Variants in CDYL2 observed in about 807,000 individuals in gnomAD.
CDYL2 encodes the protein chromodomain Y-like protein 2.
Under a neutral mutation model 49.4 loss-of-function variants are expected in CDYL2, and 23 were observed. That is an observed-to-expected ratio of 0.47 (90% CI 0.34 to 0.66). CDYL2 has a LOEUF of 0.66. Among genes scored for constraint, CDYL2 ranks in the 30% least tolerant of loss-of-function variants. The pLI, the probability that CDYL2 is intolerant of heterozygous loss-of-function variation, is 0.01. For missense variants in CDYL2, 678 were observed against 656.4 expected, an observed-to-expected ratio of 1.03 and a Z score of -0.36; for synonymous variants, 360 against 268.8, an observed-to-expected ratio of 1.34 and a Z score of -3.32.
intron 1 of CDYL2, among the ~76,000 whole-genome samples, chr16:80,743,600 G>C (rs1905824557): frequency 6.6e-6 from 1 of 152,190 alleles, no homozygotes; most frequent in African/African-American, 2.4e-5. Flanking sequence ...AGAAACCCCA[G>C]ACATTGTGAG....
chr16:80,748,693 C>A (rs763281189), intron 1 of CDYL2, among the ~76,000 whole-genome samples: 1 of 151,850 alleles, frequency 6.6e-6, no homozygotes, highest in Non-Finnish European at 1.5e-5. Flanking sequence ...TTATTACCAG[C>A]ACCCCTCACC....
rs910484977 is a variant in CDYL2 at position 80,604,062 on chromosome 16, T to C, written c.*326A>G. ...AGCCTGAGTCAGAAGAATGTGAAAGTGGTCTTCCCCTTCCTGGACCGTCAT... is the reference window on the plus strand; with the variant it reads ...AGCCTGAGTCAGAAGAATGTGAAAGCGGTCTTCCCCTTCCTGGACCGTCAT... On this transcript the variant is annotated 3_prime_UTR_variant, in exon 7 of 7. Coordinates refer to ENST00000570137, the MANE Select transcript of CDYL2 (RefSeq NM_152342.4). The C allele has an allele frequency of 5.2e-5, 16 of 310,034 alleles. No homozygotes were observed. The highest frequency in any genetic ancestry group is 9.8e-5 in the Non-Finnish European group (16 of 163,794). 19.2% of individuals were successfully genotyped at this position (310,034 alleles called of 1,614,324 possible).
chr16:80,624,922 T>C (rs970073334), intron 3 of CDYL2, among the ~76,000 whole-genome samples: 7 of 151,918 alleles, frequency 4.6e-5, no homozygotes, highest in African/African-American at 1.7e-4. Flanking sequence ...AGATGGAAAA[T>C]ATAACGGAGA....
intron 1 of CDYL2, among the ~76,000 whole-genome samples, chr16:80,705,493 C>T (rs1904375793): frequency 6.6e-6 from 1 of 152,238 alleles, no homozygotes; most frequent in Non-Finnish European, 1.5e-5. Context: ...GAAGCTTTAG[C>T]CCAGCTGTAG....
At chr16:80,641,458 T>C (rs1234112657) in intron 2 of CDYL2, among the ~76,000 whole-genome samples, 1 of 152,006 alleles carries the variant, frequency 6.6e-6, no homozygotes, top group Non-Finnish European at 1.5e-5. Flanking sequence ...AGAAATTTTA[T>C]CAACACCAGA....
chr16:80,626,933 G>C (rs1907331487), intron 3 of CDYL2, among the ~76,000 whole-genome samples: 1 of 152,166 alleles, frequency 6.6e-6, no homozygotes, highest in Admixed American at 6.5e-5. Flanking sequence ...ACTCAGACAG[G>C]TGCAGTAAGA....
intron 1 of CDYL2, among the ~76,000 whole-genome samples, chr16:80,724,715 GT>G (rs1216338051): frequency 6.6e-6 from 1 of 152,202 alleles, no homozygotes; most frequent in Non-Finnish European, 1.5e-5. Flanking sequence ...ATAGTTCACA[GT>G]CAAGAAAGTT....
intron 1 of CDYL2, among the ~76,000 whole-genome samples, chr16:80,707,935 G>A (rs1444627261): frequency 6.6e-6 from 1 of 152,190 alleles, no homozygotes; most frequent in Non-Finnish European, 1.5e-5. Context: ...CCAGTAGGGT[G>A]TTGGGTTACT....
At chr16:80,729,478 T>G (rs1291076022) in intron 1 of CDYL2, among the ~76,000 whole-genome samples, 6 of 152,054 alleles carry the variant, frequency 3.9e-5, no homozygotes, top group Admixed American at 3.9e-4. Context: ...ACAAAGAGAC[T>G]TAGACTCCCA....
chr16:80,680,066 A>T (rs1909910148), intron 2 of CDYL2, among the ~76,000 whole-genome samples: 1 of 152,248 alleles, frequency 6.6e-6, no homozygotes, highest in Admixed American at 6.5e-5. Flanking sequence ...ATTATAATCA[A>T]TAAAGGGAAA....
At chr16:80,636,550 A>C (rs1907834890) in intron 2 of CDYL2, among the ~76,000 whole-genome samples, 1 of 152,200 alleles carries the variant, frequency 6.6e-6, no homozygotes, top group African/African-American at 2.4e-5. Flanking sequence ...AGAAGTCAGG[A>C]AACAACAGGT....
chr16:80,648,876 C>T (rs1908466260), intron 2 of CDYL2, among the ~76,000 whole-genome samples: 2 of 152,206 alleles, frequency 1.3e-5, no homozygotes, highest in South Asian at 4.1e-4. Context: ...ATCATATCAA[C>T]AGAATGATGG....
intron 2 of CDYL2, among the ~76,000 whole-genome samples, chr16:80,671,475 T>C (rs923796385): frequency 3.3e-5 from 5 of 152,206 alleles, no homozygotes; most frequent in Admixed American, 3.3e-4. Flanking sequence ...CGCCCAAGTC[T>C]TTCCCTAAGC....
intron 1 of CDYL2, among the ~76,000 whole-genome samples, chr16:80,711,962 T>C (rs1047462148): frequency 6.6e-6 from 1 of 151,496 alleles, no homozygotes; most frequent in African/African-American, 2.4e-5. Context: ...TGTGTGTATA[T>C]ATATGTGTAT....
chr16:80,717,639 G>A (rs1377317148), intron 1 of CDYL2, among the ~76,000 whole-genome samples: 1 of 152,208 alleles, frequency 6.6e-6, no homozygotes, highest in Non-Finnish European at 1.5e-5. Context: ...CGATCTGGGA[G>A]GCAACAAGTA....
intron 2 of CDYL2, among the ~76,000 whole-genome samples, chr16:80,671,355 C>G (rs1909500228): frequency 6.6e-6 from 1 of 152,178 alleles, no homozygotes; most frequent in Admixed American, 6.5e-5. Context: ...AAATTTAGGA[C>G]CAGTCCTTCC....
intron 1 of CDYL2, among the ~76,000 whole-genome samples, chr16:80,756,487 A>C (rs937730190): frequency 1.3e-5 from 2 of 152,266 alleles, no homozygotes; most frequent in African/African-American, 4.8e-5. Flanking sequence ...TGAAACAAGG[A>C]ATTTTTTGGG....
At chr16:80,637,364 C>T (rs1907882529) in intron 2 of CDYL2, among the ~76,000 whole-genome samples, 1 of 152,090 alleles carries the variant, frequency 6.6e-6, no homozygotes, top group South Asian at 2.1e-4. Context: ...AAGATGTTCT[C>T]TCTCTTTTTC....
chr16:80,682,749 C>T (rs1396384427), intron 2 of CDYL2, among the ~76,000 whole-genome samples: 6 of 152,172 alleles, frequency 3.9e-5, no homozygotes, highest in South Asian at 2.1e-4. Flanking sequence ...CAGGGAACTC[C>T]GCCACCGCCA....
Sources: gnomAD v4.1 joint callset for allele counts (sites outside exome capture counted in the v4.1 genomes callset) on GRCh38, gnomAD v4.1.1 for gene constraint, MANE v1.5 for transcripts, NCBI Gene and HGNC (gene_info 2026-07-23, HGNC 2026-07-21) for gene names.